The following ZNF813 variants were observed in gnomAD, a reference collection of about 807,000 sequenced individuals.
ZNF813 encodes the protein zinc finger protein 813.
In ZNF813, 3 loss-of-function variants were observed where a neutral mutation model predicts 7.2. The ratio of observed to expected loss-of-function variants is 0.42; its 90% CI spans 0.19 to 1.08. The LOEUF (loss-of-function observed/expected upper bound fraction) is 1.08, where lower values mean the gene tolerates loss of function less well. ZNF813 is among the 50% of genes least tolerant of loss of function. ZNF813 has a pLI of 0.30. For missense variants in ZNF813, 714 were observed against 753.3 expected (o/e 0.95, Z 0.61); for synonymous variants, 227 against 256.3 (o/e 0.89, Z 1.09).
At chr19:53,483,726 A>AAAC (rs1469059930) in intron 1 of ZNF813, 24 bp from the exon 2 acceptor site, 1 of 1,596,914 alleles carries the variant, frequency 6.3e-7, no homozygotes, top group African/African-American at 1.3e-5. Context: ...TCTGAGCAAT[A>AAAC]AACAACATAT....
intron 3 of ZNF813, among the ~76,000 whole-genome samples, chr19:53,488,699 G>A (rs1041061640): frequency 4.5e-4 from 69 of 151,672 alleles, no homozygotes; most frequent in African/African-American, 1.6e-3. Context: ...GATTACAGGC[G>A]TGAGCCACCG....
chr19:53,492,207 A>G lies in ZNF813; in HGVS notation c.*121A>G. Reference sequence around the variant, plus strand: ...TTCATAAGAATTCATACTGGAGAGAAACAAGTGTAATGAACGTTGCAAAAT... The same window carrying G: ...TTCATAAGAATTCATACTGGAGAGAGACAAGTGTAATGAACGTTGCAAAAT... On this transcript the variant is annotated 3_prime_UTR_variant, in exon 4 of 4. Coordinates refer to ENST00000396403, the MANE Select transcript of ZNF813 (RefSeq NM_001004301.4). 6.9e-7 allele frequency: 1 copy of G among 1,458,682 alleles called. No homozygotes were observed. Among genetic ancestry groups the G allele is most frequent in the South Asian group, 1.3e-5 (1 of 74,934 alleles). The allele number at this position is 1,458,682 out of a possible 1,614,324, so 90.4% of individuals were successfully genotyped here.
chr19:53,478,824 A>T (rs898006698), intron 1 of ZNF813, among the ~76,000 whole-genome samples: 4 of 151,928 alleles, frequency 2.6e-5, no homozygotes, highest in African/African-American at 9.7e-5. Context: ...AACAAAAGGG[A>T]CATCAAAAGT....
chr19:53,479,736 G>T, intron 1 of ZNF813: 1 of 1,233,972 alleles, frequency 8.1e-7, no homozygotes, highest in Admixed American at 1.7e-5. Flanking sequence ...GAGGTGGCTC[G>T]TAAGTTGGTG....
In ZNF813 at chr19:53,490,456, A is replaced by T. The variant is rs1242173312; in HGVS notation, c.224A>T (p.Gln75Leu). ...GAAGTGATCCACACAGGGACATTGC[A>T]AAGACATGAAAGTCATCACACTGGA... ...NREVIHTGTL[Q>L]RHESHHTGDF... The change falls in exon 4 of 4, where the codon CAA becomes CTA. Residue 75 changes from glutamine (Q) to leucine (L), a missense_variant. Gln to Leu is a moderately radical substitution (Grantham distance 113, BLOSUM62 -2). Transcript: ENST00000396403. The T allele has an allele frequency of 1.2e-6, 2 of 1,614,196 alleles. No homozygotes were observed. Among genetic ancestry groups the T allele is most frequent in the South Asian group, 2.2e-5 (2 of 91,082 alleles).
intron 1 of ZNF813, among the ~76,000 whole-genome samples, chr19:53,470,683 G>T (rs974549346): frequency 6.9e-6 from 1 of 145,652 alleles, no homozygotes; most frequent in African/African-American, 2.6e-5. Flanking sequence ...GAGGGACTCA[G>T]GAGTCTACTT....
intron 1 of ZNF813, among the ~76,000 whole-genome samples, chr19:53,473,145 C>T (rs1321263516): frequency 6.6e-6 from 1 of 152,164 alleles, no homozygotes; most frequent in Non-Finnish European, 1.5e-5. Flanking sequence ...GGAGGTTGAG[C>T]ACAACGACAG....
At chr19:53,476,835 T>C (rs1402943037) in intron 1 of ZNF813, among the ~76,000 whole-genome samples, 1 of 151,988 alleles carries the variant, frequency 6.6e-6, no homozygotes, top group East Asian at 2.0e-4. Context: ...GGCTAATTTT[T>C]GTATTTTAAG....
In ZNF813 at chr19:53,494,654, AAAAG is replaced by A. The variant is rs1413920790; in HGVS notation, c.*2572_*2575del. On this transcript the variant is annotated 3_prime_UTR_variant, in exon 4 of 4. Coordinates refer to ENST00000396403, the MANE Select transcript of ZNF813 (RefSeq NM_001004301.4). Reference sequence around the variant, plus strand: ...GCGAAACTCTGTCTCAAAAAAAAAAAAAAGAAAAGAAAAGAAAAGAGACTCTATC... The same window carrying A: ...GCGAAACTCTGTCTCAAAAAAAAAAAAAAAGAAAAGAAAAGAGACTCTATC... The A allele has an allele frequency of 1.3e-3, 115 of 85,650 alleles. 1 individual carries two copies. Among genetic ancestry groups the A allele is most frequent in the African/African-American group, 4.0e-3 (75 of 18,556 alleles). 5.3% of individuals were successfully genotyped at this position (85,650 alleles called of 1,614,324 possible).
intron 1 of ZNF813, among the ~76,000 whole-genome samples, chr19:53,473,541 G>A (rs188430277): frequency 2.0e-5 from 3 of 152,260 alleles, no homozygotes; most frequent in Admixed American, 6.5e-5. Context: ...GTGGATCTAC[G>A]GCATGATTCC....
At chr19:53,475,011 G>A (rs1195938102) in intron 1 of ZNF813, among the ~76,000 whole-genome samples, 1 of 151,970 alleles carries the variant, frequency 6.6e-6, no homozygotes, top group Non-Finnish European at 1.5e-5. Flanking sequence ...TGTGGCTTCT[G>A]GCATCCTTGC....
At chr19:53,476,854 G>A (rs1471951027) in intron 1 of ZNF813, among the ~76,000 whole-genome samples, 1 of 152,004 alleles carries the variant, frequency 6.6e-6, no homozygotes, top group Non-Finnish European at 1.5e-5. Context: ...AGTAGAGACG[G>A]GGTTTCACCT....
At chr19:53,475,338 A>C (rs1429838308) in intron 1 of ZNF813, among the ~76,000 whole-genome samples, 1 of 152,284 alleles carries the variant, frequency 6.6e-6, no homozygotes. Context: ...CGGCATGTCC[A>C]AACTCTTCTA....
Position 53,490,459 on chromosome 19 carries a change from G to A in ZNF813, c.227G>A (p.Arg76Lys), listed in dbSNP as rs1487627203. The change falls in exon 4 of 4, where the codon AGA becomes AAA. Residue 76 changes from arginine (R) to lysine (K), a missense_variant. This residue lies in a region of ZNF813 where 563 missense variants were observed against 554.2 expected (regional missense o/e 1.02). Transcript: ENST00000396403. ...REVIHTGTLQ[R>K]HESHHTGDFR... ...GTGATCCACACAGGGACATTGCAAA[G>A]ACATGAAAGTCATCACACTGGAGAC... The A allele has an allele frequency of 6.2e-7, 1 of 1,614,020 alleles. No homozygotes were observed. The highest frequency in any genetic ancestry group is 2.2e-5 in the East Asian group (1 of 44,892).
At chr19:53,482,712 G>GT (rs869250512) in intron 1 of ZNF813, among the ~76,000 whole-genome samples, 2,425 of 89,004 alleles carry the variant, frequency 0.027, 324 homozygotes, top group Non-Finnish European at 0.036. Flanking sequence ...AATGCTTTTT[G>GT]TTTTTTTTTT....
chr19:53,471,388 C>T (rs1270192699), intron 1 of ZNF813, among the ~76,000 whole-genome samples: 2 of 152,092 alleles, frequency 1.3e-5, no homozygotes, highest in East Asian at 3.9e-4. Context: ...TTTGCCTTGC[C>T]ACAAAGTTTT....
At position 53,490,740 on chromosome 19, in the gene ZNF813, G is replaced by C. The variant is rs765661877; in HGVS notation, c.508G>C (p.Asp170His). Reference protein sequence around the residue: ...IGNQVEKSINDASSISTSQRI... With the variant: ...IGNQVEKSINHASSISTSQRI... ...TAATCAAGTGGAGAAGTCTATCAAC[G>C]ATGCTTCCTCAATTTCAACATCCCA... Residue 170 changes from aspartate (D) to histidine (H), a missense_variant, in exon 4 of 4, where the codon GAT (aspartate) becomes CAT (histidine). Asp to His is a moderately conservative substitution (Grantham distance 81, BLOSUM62 -1). This residue lies in a region of ZNF813 where 563 missense variants were observed against 554.2 expected (regional missense o/e 1.02). Transcript: ENST00000396403. The C allele has an allele frequency of 9.9e-6, 16 of 1,614,138 alleles. No individual in the cohort carries two copies. The South Asian group carries it at 1.8e-4, about 18-fold the overall frequency.
chr19:53,490,962 A>C lies in ZNF813; in HGVS notation c.730A>C (p.Lys244Gln), dbSNP rs1403123620. ...AATCCATTTAGGAGAGAAACAATAT[A>C]AATGTGATGTATGTGGCAAGGTCTT... is the stretch of plus-strand genomic sequence containing the variant. ...QIIHLGEKQY[K>Q]CDVCGKVFNR... The change falls in exon 4 of 4, where the codon AAA becomes CAA. Residue 244 changes from lysine (K) to glutamine (Q), a missense_variant. Physicochemically the swap from Lys to Gln is moderately conservative, Grantham distance 53. Coordinates refer to ENST00000396403, the MANE Select transcript of ZNF813 (RefSeq NM_001004301.4). 1 of 1,614,206 alleles carries C rather than the reference A, an allele frequency of 6.2e-7. No individual in the cohort carries two copies. The highest frequency in any genetic ancestry group is 8.5e-7 in the Non-Finnish European group (1 of 1,180,020).
At chr19:53,472,376 G>A (rs1253878508) in intron 1 of ZNF813, among the ~76,000 whole-genome samples, 2 of 152,094 alleles carry the variant, frequency 1.3e-5, no homozygotes, top group Non-Finnish European at 2.9e-5. Context: ...ATACAGGTAG[G>A]TTACCACAGA....
Sources: allele counts gnomAD v4.1 joint callset (sites outside exome capture counted in the v4.1 genomes callset), GRCh38; gene constraint gnomAD v4.1.1; regional missense constraint gnomAD v4.1.1; transcripts MANE v1.5; gene names NCBI Gene and HGNC (gene_info 2026-07-23, HGNC 2026-07-21).